The following CNTNAP2 variants were observed in gnomAD, a reference collection of about 807,000 sequenced individuals.
The protein encoded by CNTNAP2 is contactin associated protein 2.
In CNTNAP2, 98 loss-of-function variants were observed where a neutral mutation model predicts 155.2. That is an observed-to-expected ratio of 0.63 (90% CI 0.54 to 0.75). The LOEUF is 0.75. Ranked by LOEUF, CNTNAP2 falls within the 30% of genes least tolerant of loss-of-function variation. CNTNAP2 has a pLI of 0.00. For missense variants in CNTNAP2, 1,727 were observed against 1,688.1 expected, an observed-to-expected ratio of 1.02 and a Z score of -0.40; for synonymous variants, 651 against 631.2, an observed-to-expected ratio of 1.03 and a Z score of -0.47.
At chr7:147,300,000 C>A (rs374947209) in intron 8 of CNTNAP2, 141 bp from the exon 9 acceptor site, 3 of 821,424 alleles carry the variant, frequency 3.7e-6, no homozygotes, top group Admixed American at 2.4e-5. Flanking sequence ...AGACATGAGA[C>A]GTCAGTTTGA....
At chr7:146,542,078 G>A (rs548050559) in intron 1 of CNTNAP2, among the ~76,000 whole-genome samples, 11 of 151,864 alleles carry the variant, frequency 7.2e-5, no homozygotes, top group South Asian at 4.2e-4. Context: ...ACAAAGTGTC[G>A]GCAAGCCAGG....
At chr7:147,767,720 T>C (rs1408886156) in intron 13 of CNTNAP2, among the ~76,000 whole-genome samples, 8 of 151,886 alleles carry the variant, frequency 5.3e-5, no homozygotes, top group Admixed American at 2.0e-4. Flanking sequence ...AGTATCCAGA[T>C]AGGTGAAGTA....
At chr7:148,140,533 C>T (rs1193206230) in intron 16 of CNTNAP2, among the ~76,000 whole-genome samples, 1 of 151,354 alleles carries the variant, frequency 6.6e-6, no homozygotes, top group Non-Finnish European at 1.5e-5. Context: ...ATGTGATTCT[C>T]TTGCCTCAGC....
intron 3 of CNTNAP2, among the ~76,000 whole-genome samples, chr7:146,972,812 A>G (rs916480260): frequency 1.3e-5 from 2 of 152,170 alleles, no homozygotes; most frequent in Non-Finnish European, 2.9e-5. Context: ...GGATTGGAAT[A>G]TGAGAGAAAA....
intron 8 of CNTNAP2, among the ~76,000 whole-genome samples, chr7:147,272,964 C>T (rs893382276): frequency 3.9e-5 from 6 of 152,114 alleles, no homozygotes; most frequent in South Asian, 2.1e-4. Context: ...AATTGTAGGC[C>T]TTGGAGAGAA....
chr7:146,519,221 G>A (rs572649214), intron 1 of CNTNAP2, among the ~76,000 whole-genome samples: 4 of 151,698 alleles, frequency 2.6e-5, no homozygotes, highest in Non-Finnish European at 5.9e-5. Flanking sequence ...TAGATCTATC[G>A]AGAAGTGTTT....
At chr7:146,137,962 A>G (rs1797821290) in intron 1 of CNTNAP2, among the ~76,000 whole-genome samples, 1 of 152,022 alleles carries the variant, frequency 6.6e-6, no homozygotes, top group Non-Finnish European at 1.5e-5. Flanking sequence ...AAATATATTT[A>G]TAATGAGGTT....
chr7:148,333,444 A>T lies in CNTNAP2; in HGVS notation c.3476-50205A>T, dbSNP rs78207052. On this transcript the variant is annotated intron_variant, in intron 21 of 23. Coordinates refer to ENST00000361727, the MANE Select transcript of CNTNAP2 (RefSeq NM_014141.6). ...TCCATCTCAGGAAAGGAAAAAAAAA[A>T]CACTCATTTTTTAGGTGAAGTTAAT... is the stretch of plus-strand genomic sequence containing the variant. 7.2e-5 allele frequency among the ~76,000 whole-genome samples: 10 copies of T among 138,952 alleles called. No homozygotes were observed. The East Asian group carries it at 2.2e-3, about 30-fold the overall frequency. The allele number at this position is 138,952 out of a possible 152,430, so 91.2% of individuals were successfully genotyped here.
intron 13 of CNTNAP2, among the ~76,000 whole-genome samples, chr7:147,668,382 A>G (rs766708636): frequency 2.0e-5 from 3 of 152,216 alleles, no homozygotes; most frequent in Non-Finnish European, 4.4e-5. Flanking sequence ...ATTTCTGAAA[A>G]GAGTGACACA....
At chr7:146,813,184 G>T (rs371019832) in intron 2 of CNTNAP2, among the ~76,000 whole-genome samples, 1 of 152,192 alleles carries the variant, frequency 6.6e-6, no homozygotes, top group Non-Finnish European at 1.5e-5. Context: ...TAGTGGAGTT[G>T]TGAGAAGAGG....
chr7:148,381,539 C>A (rs1478402188), intron 21 of CNTNAP2: 1 of 152,246 alleles, frequency 6.6e-6, no homozygotes, highest in Non-Finnish European at 1.5e-5. Context: ...AGCTGCTTCT[C>A]TCCAATGTCT....
chr7:148,187,109 T>TACACAC (rs142565546), intron 18 of CNTNAP2, among the ~76,000 whole-genome samples: 24 of 49,306 alleles, frequency 4.9e-4, no homozygotes, highest in South Asian at 1.8e-3. Flanking sequence ...CAAGGAAACA[T>TACACAC]ACACACACAC....
intron 1 of CNTNAP2, among the ~76,000 whole-genome samples, chr7:146,604,945 G>T (rs1799019142): frequency 2.0e-5 from 2 of 101,920 alleles, no homozygotes; most frequent in Admixed American, 2.3e-4. Context: ...GAGGGGGGAG[G>T]GATAGCATTG....
chr7:146,869,380 CA>C (rs1795264160), intron 3 of CNTNAP2, among the ~76,000 whole-genome samples: 1 of 152,112 alleles, frequency 6.6e-6, no homozygotes, highest in Non-Finnish European at 1.5e-5. Context: ...CCTACTTGAT[CA>C]TGGTAGATTC....
intron 1 of CNTNAP2, among the ~76,000 whole-genome samples, chr7:146,697,038 C>T (rs867158555): frequency 6.6e-6 from 1 of 152,056 alleles, no homozygotes; most frequent in Non-Finnish European, 1.5e-5. Context: ...TTCTGATTAA[C>T]TATGTCTTAT....
intron 21 of CNTNAP2, among the ~76,000 whole-genome samples, chr7:148,364,794 C>T (rs1258016976): frequency 6.6e-6 from 1 of 152,218 alleles, no homozygotes; most frequent in East Asian, 1.9e-4. Context: ...CTGCCCGAGC[C>T]AGCATTGGCA....
In CNTNAP2 at chr7:147,925,315, C is replaced by T. The variant is rs1356952267; in HGVS notation, c.2255+21594C>T. 2.0e-5 allele frequency among the ~76,000 whole-genome samples: 3 copies of T among 151,774 alleles called. No individual in the cohort carries two copies. The East Asian group carries it at 5.8e-4, about 30-fold the overall frequency. On this transcript the variant is annotated intron_variant, in intron 14 of 23. Coordinates refer to ENST00000361727, the MANE Select transcript of CNTNAP2 (RefSeq NM_014141.6). ...GCGCACACACACACACACACACACACACACACACACACACACAGCTTTCCC... is the reference window on the plus strand; with the variant it reads ...GCGCACACACACACACACACACACATACACACACACACACACAGCTTTCCC...
intron 13 of CNTNAP2, among the ~76,000 whole-genome samples, chr7:147,876,007 C>T (rs962082793): frequency 6.6e-6 from 1 of 152,190 alleles, no homozygotes; most frequent in Non-Finnish European, 1.5e-5. Context: ...CTGAATCACT[C>T]TGATCCTATC....
At chr7:147,905,474 G>A (rs1486508246) in intron 14 of CNTNAP2, among the ~76,000 whole-genome samples, 1 of 152,242 alleles carries the variant, frequency 6.6e-6, no homozygotes, top group African/African-American at 2.4e-5. Flanking sequence ...ATGGAACATG[G>A]TATTTGTCCT....
Sources: allele counts gnomAD v4.1 joint callset (sites outside exome capture counted in the v4.1 genomes callset), GRCh38; gene constraint gnomAD v4.1.1; transcripts MANE v1.5; gene names NCBI Gene and HGNC (gene_info 2026-07-23, HGNC 2026-07-21).